Variants in TALDO1 observed in about 807,000 individuals in gnomAD.
TALDO1 encodes transaldolase 1, also known as transaldolase.
In TALDO1, 29 loss-of-function variants were observed where a neutral mutation model predicts 38.1. That is an observed-to-expected ratio of 0.76 (90% CI 0.57 to 1.04). The LOEUF (loss-of-function observed/expected upper bound fraction) is 1.04, where lower values mean the gene tolerates loss of function less well. Among genes scored for constraint, TALDO1 ranks in the 50% least tolerant of loss-of-function variants. The pLI is 0.00. For missense variants in TALDO1, 499 were observed against 438.1 expected (o/e 1.14, Z -1.24); for synonymous variants, 207 against 176.8 (o/e 1.17, Z -1.36).
intron 4 of TALDO1, among the ~76,000 whole-genome samples, chr11:762,598 C>CA (rs1862957441): frequency 6.6e-6 from 1 of 152,250 alleles, no homozygotes; most frequent in Non-Finnish European, 1.5e-5. Flanking sequence ...TGCTGTCCCC[C>CA]TCGAACACCC....
At chr11:751,600 C>T (rs906298686) in intron 1 of TALDO1, among the ~76,000 whole-genome samples, 1 of 152,064 alleles carries the variant, frequency 6.6e-6, no homozygotes. Flanking sequence ...TCGAGACCAG[C>T]CTGGCCAACA....
intron 1 of TALDO1, among the ~76,000 whole-genome samples, chr11:755,119 T>C (rs1040559659): frequency 1.3e-5 from 2 of 148,316 alleles, no homozygotes; most frequent in African/African-American, 2.5e-5. Context: ...GTGTCCTGAG[T>C]GCTTTTCCCC....
In TALDO1 at chr11:764,374, C is replaced by T. The variant is rs188547252; in HGVS notation, c.922C>T (p.Leu308Phe). Residue 308 changes from leucine to phenylalanine, a missense_variant, in exon 7 of 8, where the codon CTC becomes TTC. Physicochemically the swap from Leu to Phe is conservative, Grantham distance 22. Coordinates refer to ENST00000319006, the MANE Select transcript of TALDO1 (RefSeq NM_006755.2). ...HNEDQMAVEKLSDGIRKFAAD... is the reference protein window; with the variant it reads ...HNEDQMAVEKFSDGIRKFAAD... ...CGAGGACCAGATGGCTGTGGAGAAG[C>T]TCTCTGACGGGATCCGCAAGTTTGC... The T allele has an allele frequency of 1.9e-6, 3 of 1,614,080 alleles. No homozygotes were observed. Among genetic ancestry groups the T allele is most frequent in the African/African-American group, 2.7e-5 (2 of 75,056 alleles).
rs113412281 is a variant in TALDO1, at chr11:759,944, G to T, written c.330-178G>T. Among the ~76,000 whole-genome samples the T allele has an allele frequency of 3.3e-5, 5 of 152,276 alleles. 1 individual carries two copies. The highest frequency in any genetic ancestry group is 1.2e-4 in the African/African-American group (5 of 41,556). On this transcript the variant is annotated intron_variant, in intron 3 of 7. Transcript: ENST00000319006. ...TGAGGACCTCTGTTTGTGAGACTGG[G>T]TGTGAGTTGCTGTCAGAGCCATTCT...
chr11:758,934 TC>T lies in TALDO1; in HGVS notation c.222-13del. 1.3e-6 allele frequency: 2 copies of T among 1,576,640 alleles called. No individual in the cohort carries two copies. The highest frequency in any genetic ancestry group is 1.4e-5 in the African/African-American group (1 of 72,596). ...TCAGAAGCTTCTAACCTGCTTTTTT[TC>T]CCTTTGAATTTCAGGTCACAAGAGG... On this transcript the variant is annotated splice_polypyrimidine_tract_variant and intron_variant, in intron 2 of 7. Transcript: ENST00000319006.
chr11:750,029 T>C (rs1862724106), intron 1 of TALDO1, among the ~76,000 whole-genome samples: 1 of 152,180 alleles, frequency 6.6e-6, no homozygotes, highest in Non-Finnish European at 1.5e-5. Context: ...TGGGCACTGC[T>C]GTGGTGCTGA....
chr11:762,963 C>T (rs190920820), intron 4 of TALDO1, among the ~76,000 whole-genome samples: 7 of 152,248 alleles, frequency 4.6e-5, no homozygotes, highest in African/African-American at 1.7e-4. Flanking sequence ...GACGGCCTGG[C>T]GCAAGAGCAC....
intron 1 of TALDO1, among the ~76,000 whole-genome samples, chr11:748,604 T>G (rs1862699091): frequency 6.6e-6 from 1 of 152,238 alleles, no homozygotes; most frequent in Non-Finnish European, 1.5e-5. Context: ...TCATGGTGAC[T>G]TGAGAAACAG....
At chr11:757,033 G>T (rs991181027) in intron 2 of TALDO1, among the ~76,000 whole-genome samples, 1 of 152,194 alleles carries the variant, frequency 6.6e-6, no homozygotes, top group African/African-American at 2.4e-5. Context: ...ACAGGAGCAG[G>T]TCCCTCTCTG....
chr11:764,846 C>G lies in TALDO1; in HGVS notation c.*1C>G, dbSNP rs145192861. On this transcript the variant is annotated 3_prime_UTR_variant, in exon 8 of 8. Coordinates refer to ENST00000319006, the MANE Select transcript of TALDO1 (RefSeq NM_006755.2). ...GTTCAATGCAGAGAATGGAAAGTAG[C>G]GCATCCCTGAGGCTGGACTCCAGAT... 6.3e-5 allele frequency: 101 copies of G among 1,613,948 alleles called. No individual in the cohort carries two copies. The African/African-American group carries it at 1.2e-3, about 19-fold the overall frequency.
chr11:754,700 G>C (rs1250646103), intron 1 of TALDO1, among the ~76,000 whole-genome samples: 2 of 152,108 alleles, frequency 1.3e-5, no homozygotes, highest in Non-Finnish European at 2.9e-5. Context: ...TCAAACTCCT[G>C]ACCTCAGGCG....
At chr11:755,845 C>T (rs1446015754) in intron 1 of TALDO1, 34 bp from the exon 2 acceptor site, 1 of 1,614,046 alleles carries the variant, frequency 6.2e-7, no homozygotes, top group South Asian at 1.1e-5. Context: ...GCAAGTACTC[C>T]ACTTACTTTG....
chr11:760,239 A>T lies in TALDO1; in HGVS notation c.447A>T (p.Gly149=). 1.2e-6 allele frequency: 2 copies of T among 1,614,100 alleles called. No individual in the cohort carries two copies. The highest frequency in any genetic ancestry group is 8.5e-7 in the Non-Finnish European group (1 of 1,179,980). ...TAAAGCTGTCATCAACCTGGGAAGG[A>T]ATTCAGGCTGGAAAGTAAGTGGTCC... ...ILIKLSSTWE[G]IQAGKELEEQ... is the part of the protein sequence containing the mutation. Residue 149 remains glycine (G), a synonymous_variant, in exon 4 of 8, where the codon GGA becomes GGT. Transcript: ENST00000319006.
intron 7 of TALDO1, 48 bp from the exon 8 acceptor site, chr11:764,765 G>A: frequency 6.2e-7 from 1 of 1,614,008 alleles, no homozygotes; most frequent in Non-Finnish European, 8.5e-7. Flanking sequence ...GCTTCAAGGT[G>A]CAGAAGGTAG....
At chr11:751,160 TGAG>T (rs1320444896) in intron 1 of TALDO1, among the ~76,000 whole-genome samples, 2 of 152,014 alleles carry the variant, frequency 1.3e-5, no homozygotes, top group Admixed American at 1.3e-4. Flanking sequence ...CCTCCTGGGC[TGAG>T]GTGATCCCCC....
intron 6 of TALDO1, 91 bp downstream of exon 6, chr11:764,035 G>GGGA: frequency 6.7e-7 from 1 of 1,497,670 alleles, no homozygotes; most frequent in Non-Finnish European, 9.0e-7. Context: ...TCCCACCTGT[G>GGGA]GGGCGAGCTC....
rs1423554121 is a variant in TALDO1 at position 764,824 on chromosome 11, C to CA, written c.995dup (p.Asn332LysfsTer11). 6.2e-7 allele frequency: 1 copy of CA among 1,614,018 alleles called. No individual in the cohort carries two copies. The highest frequency in any genetic ancestry group is 8.5e-7 in the Non-Finnish European group (1 of 1,180,052). ...CTGTTTGTTTCTAGGAACGAATGTT[C>CA]AATGCAGAGAATGGAAAGTAGCGCA... is the stretch of plus-strand genomic sequence containing the variant. On this transcript the variant is annotated frameshift_variant, in exon 8 of 8. Coordinates refer to ENST00000319006, the MANE Select transcript of TALDO1 (RefSeq NM_006755.2). LOFTEE classifies it high-confidence loss of function.
intron 2 of TALDO1, among the ~76,000 whole-genome samples, chr11:756,787 G>A (rs762665644): frequency 1.3e-5 from 2 of 152,046 alleles, no homozygotes; most frequent in Non-Finnish European, 1.5e-5. Context: ...CACAGTGCTC[G>A]GATTACAGAC....
Position 763,399 on chromosome 11 carries a change from G to A in TALDO1, c.517G>A (p.Ala173Thr), listed in dbSNP as rs745474457. 23 of 1,612,632 alleles carry A rather than the reference G, an allele frequency of 1.4e-5. No individual in the cohort carries two copies. Among genetic ancestry groups the A allele is most frequent in the East Asian group, 4.5e-5 (2 of 44,846 alleles). Residue 173 changes from alanine to threonine, a missense_variant, in exon 5 of 8, where the codon GCC becomes ACC. Ala to Thr is a moderately conservative substitution (Grantham distance 58). Coordinates refer to ENST00000319006, the MANE Select transcript of TALDO1 (RefSeq NM_006755.2). ...CAACATGACGTTACTCTTCTCCTTCGCCCAGGCTGTGGCCTGTGCCGAGGC... is the reference window on the plus strand; with the variant it reads ...CAACATGACGTTACTCTTCTCCTTCACCCAGGCTGTGGCCTGTGCCGAGGC... ...HCNMTLLFSF[A>T]QAVACAEAGV... is the part of the protein sequence containing the mutation.
Sources: allele counts gnomAD v4.1 joint callset (sites outside exome capture counted in the v4.1 genomes callset), GRCh38; gene constraint gnomAD v4.1.1; transcripts MANE v1.5; gene names NCBI Gene and HGNC (gene_info 2026-07-23, HGNC 2026-07-21).